The following RAP1GAP2 variants were observed in gnomAD, a reference collection of about 807,000 sequenced individuals.
RAP1GAP2 encodes RAP1 GTPase activating protein 2, also known as rap1 GTPase-activating protein 2.
RAP1GAP2 carries 27 observed loss-of-function variants against 95.0 expected under a neutral mutation model. That is an observed-to-expected ratio of 0.28 (90% confidence interval 0.21 to 0.39). The LOEUF is 0.39. Among genes scored for constraint, RAP1GAP2 ranks in the 10% least tolerant of loss-of-function variants. The pLI, the probability that RAP1GAP2 is intolerant of heterozygous loss-of-function variation, is 1.00. For synonymous variants in RAP1GAP2, 373 were observed against 380.9 expected (o/e 0.98, Z 0.24); for missense variants, 771 against 970.0 (o/e 0.79, Z 2.72).
In RAP1GAP2 at chr17:2,857,007, G is replaced by C. The variant is rs2072166846; in HGVS notation, c.81-48277G>C. On this transcript the variant is annotated intron_variant, in intron 2 of 24. Transcript: ENST00000254695. This position sits in a 1 kb window ranked among gnomAD's most constrained non-coding sequence, Gnocchi z 4.0. ...ATTGACCCTTGCTCTGCAGGTGCTG[G>C]TGGCCACGGGAGGCCTGGAGCAGGC... Among the ~76,000 whole-genome samples, 3 of 152,206 alleles carry C rather than the reference G, an allele frequency of 2.0e-5. No homozygotes were observed. The highest frequency in any genetic ancestry group is 4.4e-5 in the Non-Finnish European group (3 of 68,046).
At position 3,029,882 on chromosome 17, in the gene RAP1GAP2, G is replaced by A. The variant is rs2047237560; in HGVS notation, c.2108-1040G>A. Among the ~76,000 whole-genome samples, 2 of 152,020 alleles carry A rather than the reference G, an allele frequency of 1.3e-5. No individual in the cohort carries two copies. The highest frequency in any genetic ancestry group is 1.5e-5 in the Non-Finnish European group (1 of 68,008). ...TACTAGATAATATTCTTTACCATAA[G>A]TCCCATATGTCCAACTGATTCTCAC... On this transcript the variant is annotated intron_variant, in intron 22 of 24. Transcript: ENST00000254695. The surrounding 1 kb of genome is among the most constrained non-coding windows in gnomAD (Gnocchi z 4.4).
chr17:2,925,474 A>G (rs2042924447), intron 3 of RAP1GAP2, among the ~76,000 whole-genome samples: 1 of 152,176 alleles, frequency 6.6e-6, no homozygotes, highest in South Asian at 2.1e-4. Context: ...TAAACCCATC[A>G]GATCTCATGA....
intron 3 of RAP1GAP2, among the ~76,000 whole-genome samples, chr17:2,923,206 A>G (rs1380728413): frequency 6.6e-6 from 1 of 151,374 alleles, no homozygotes; most frequent in Non-Finnish European, 1.5e-5. Flanking sequence ...CACCCAGTTA[A>G]TTTTTGTATT....
chr17:2,781,147 G>T (rs1300727646), intron 1 of RAP1GAP2, among the ~76,000 whole-genome samples: 1 of 152,184 alleles, frequency 6.6e-6, no homozygotes, highest in Non-Finnish European at 1.5e-5. Flanking sequence ...TGCTCTCAGG[G>T]CCAGCTGGTT....
At chr17:2,893,487 C>G (rs1382387028) in intron 2 of RAP1GAP2, among the ~76,000 whole-genome samples, 1 of 152,236 alleles carries the variant, frequency 6.6e-6, no homozygotes, top group Non-Finnish European at 1.5e-5. Context: ...ATAGTTATCA[C>G]TGCTGAAACA....
Position 3,005,483 on chromosome 17 carries a change from A to C in RAP1GAP2, c.1272+43A>C, listed in dbSNP as rs1401281171. 1 of 1,567,054 alleles carries C rather than the reference A, an allele frequency of 6.4e-7. No individual in the cohort carries two copies. Among genetic ancestry groups the C allele is most frequent in the Non-Finnish European group, 8.8e-7 (1 of 1,137,162 alleles). ...CTGCCCCTCTCGCATCCACGATGCCAGGTCTCAGTGCTTGAGTAGCAATGG... is the reference window on the plus strand; with the variant it reads ...CTGCCCCTCTCGCATCCACGATGCCCGGTCTCAGTGCTTGAGTAGCAATGG... On this transcript the variant is annotated intron_variant, in intron 15 of 24. Coordinates refer to ENST00000254695, the MANE Select transcript of RAP1GAP2 (RefSeq NM_015085.5). This position sits in a 1 kb window ranked among gnomAD's most constrained non-coding sequence, Gnocchi z 5.2.
intron 2 of RAP1GAP2, among the ~76,000 whole-genome samples, chr17:2,893,485 C>A (rs1242881057): frequency 6.6e-6 from 1 of 152,232 alleles, no homozygotes; most frequent in Non-Finnish European, 1.5e-5. Context: ...ACATAGTTAT[C>A]ACTGCTGAAA....
intron 9 of RAP1GAP2, among the ~76,000 whole-genome samples, chr17:2,980,710 A>T (rs2045323982): frequency 6.6e-6 from 1 of 152,104 alleles, no homozygotes; most frequent in African/African-American, 2.4e-5. Context: ...TGGAGGGGTG[A>T]GGGCGGGTGG....
At chr17:2,758,731 A>G (rs1179163559) in intron 1 of RAP1GAP2, among the ~76,000 whole-genome samples, 1 of 152,094 alleles carries the variant, frequency 6.6e-6, no homozygotes, top group Non-Finnish European at 1.5e-5. Context: ...GGATTCTTTC[A>G]CTTGTAAATT....
chr17:3,011,700 A>C (rs1257948907), intron 17 of RAP1GAP2, among the ~76,000 whole-genome samples: 1 of 148,490 alleles, frequency 6.7e-6, no homozygotes, highest in Non-Finnish European at 1.5e-5. Context: ...GCTCACTGCA[A>C]CCTCTGCCTC....
chr17:2,998,466 C>G (rs969406318), intron 14 of RAP1GAP2, 90 bp downstream of exon 14: 14 of 1,420,142 alleles, frequency 9.9e-6, no homozygotes, highest in Non-Finnish European at 1.4e-5. Flanking sequence ...TAGTCCTCAG[C>G]AGTCAGAGAT....
At chr17:2,769,341 G>A (rs1267253588) in intron 1 of RAP1GAP2, among the ~76,000 whole-genome samples, 1 of 148,686 alleles carries the variant, frequency 6.7e-6, no homozygotes, top group African/African-American at 2.5e-5. Flanking sequence ...GGATCACGAG[G>A]TCAGGAGATC....
rs1437857585 is a variant in RAP1GAP2, at chr17:2,867,777, T to C, written c.81-37507T>C. Reference sequence around the variant, plus strand: ...AGTAAAAATGCCAACAGCTGTCCACTCTGCTGGCCCTAGTGGCTTAGTTGA... The same window carrying C: ...AGTAAAAATGCCAACAGCTGTCCACCCTGCTGGCCCTAGTGGCTTAGTTGA... On this transcript the variant is annotated intron_variant, in intron 2 of 24. Transcript: ENST00000254695. The surrounding 1 kb of genome is among the most constrained non-coding windows in gnomAD (Gnocchi z 4.5). Among the ~76,000 whole-genome samples, 1 of 152,150 alleles carries C rather than the reference T, an allele frequency of 6.6e-6. No individual in the cohort carries two copies. Among genetic ancestry groups the C allele is most frequent in the Non-Finnish European group, 1.5e-5 (1 of 68,028 alleles).
Position 3,008,222 on chromosome 17 carries a change from GA to G in RAP1GAP2, c.1494+78del. 4.4e-6 allele frequency: 7 copies of G among 1,583,894 alleles called. No homozygotes were observed. The highest frequency in any genetic ancestry group is 6.0e-6 in the Non-Finnish European group (7 of 1,162,184). ...AAAGGAAGTGGTCCAAGGTCCATGG[GA>G]TACTGATCCCAGAGCCCAAGGGCCA... On this transcript the variant is annotated intron_variant, in intron 17 of 24. Coordinates refer to ENST00000254695, the MANE Select transcript of RAP1GAP2 (RefSeq NM_015085.5). The surrounding 1 kb of genome is among the most constrained non-coding windows in gnomAD (Gnocchi z 4.2).
At chr17:2,862,115 A>G (rs533988479) in intron 2 of RAP1GAP2, among the ~76,000 whole-genome samples, 1 of 152,164 alleles carries the variant, frequency 6.6e-6, no homozygotes. Flanking sequence ...GCCTCTGCAT[A>G]GCTTTGGGAC....
chr17:3,020,432 C>T lies in RAP1GAP2; in HGVS notation c.1633-45C>T, dbSNP rs77355290. On this transcript the variant is annotated intron_variant, in intron 18 of 24. Coordinates refer to ENST00000254695, the MANE Select transcript of RAP1GAP2 (RefSeq NM_015085.5). ...GGAGGAGGATGAGGGGATAGGAGAT[C>T]GGTGTTTGGGCCGGGAGCACTCATT... is the stretch of plus-strand genomic sequence containing the variant. The T allele has an allele frequency of 1.3e-4, 187 of 1,477,616 alleles. 1 individual carries two copies. The highest frequency in any genetic ancestry group is 3.4e-4 in the Middle Eastern group (2 of 5,846). The allele number at this position is 1,477,616 out of a possible 1,614,324, so 91.5% of individuals were successfully genotyped here. A position where few individuals can be genotyped will look rare whatever the true frequency, so the allele number is the denominator to read the frequency against.
In RAP1GAP2 at chr17:2,837,772, AT is replaced by A. The variant is rs986896702; in HGVS notation, c.80+37229del. 2.0e-5 allele frequency among the ~76,000 whole-genome samples: 3 copies of A among 151,048 alleles called. No individual in the cohort carries two copies. The Admixed American group carries it at 2.0e-4, about 10-fold the overall frequency. ...CAGGTGCCTGCCACCATGTCCGGCT[AT>A]TTTTTTGTATTTTTAGCTGAGACGG... On this transcript the variant is annotated intron_variant, in intron 2 of 24. Transcript: ENST00000254695.
chr17:3,018,280 C>T, intron 18 of RAP1GAP2, 82 bp downstream of exon 18: 1 of 1,467,522 alleles, frequency 6.8e-7, no homozygotes, highest in Non-Finnish European at 9.0e-7. Context: ...TGCCCCCACC[C>T]AGGCTTGGGC....
intron 1 of RAP1GAP2, among the ~76,000 whole-genome samples, chr17:2,786,910 C>T (rs1324809125): frequency 1.4e-5 from 2 of 142,758 alleles, no homozygotes; most frequent in Non-Finnish European, 3.0e-5. Flanking sequence ...GCTTCCCAAA[C>T]TGCTGGGATT....
Sources: allele counts gnomAD v4.1 joint callset (sites outside exome capture counted in the v4.1 genomes callset), GRCh38; gene constraint gnomAD v4.1.1; non-coding constraint Gnocchi (gnomAD v3.1); transcripts MANE v1.5; gene names NCBI Gene and HGNC (gene_info 2026-07-23, HGNC 2026-07-21).